Variants in KCNA6 observed in about 807,000 individuals in gnomAD.
The protein encoded by KCNA6 is potassium voltage-gated channel subfamily A member 6.
In KCNA6, 17 loss-of-function variants were observed where a neutral mutation model predicts 29.5. The ratio of observed to expected loss-of-function variants is 0.58; its 90% CI spans 0.39 to 0.86. The LOEUF (loss-of-function observed/expected upper bound fraction) is 0.86, where lower values mean the gene tolerates loss of function less well. Among genes scored for constraint, KCNA6 ranks in the 40% least tolerant of loss-of-function variants. The pLI is 0.00. For missense variants in KCNA6, 450 were observed against 703.4 expected (o/e 0.64, Z 4.07); for synonymous variants, 296 against 304.7 (o/e 0.97, Z 0.30).
At chr12:4,835,198 G>A in the KCNA6 span, among the ~76,000 whole-genome samples, 10 of 143,872 alleles carry the variant, frequency 7.0e-5, no homozygotes, top group East Asian at 4.1e-4. Flanking sequence ...GCAGTGGCGC[G>A]ATCTCTGCTC....
the KCNA6 span, among the ~76,000 whole-genome samples, chr12:4,841,294 T>C: frequency 8.5e-5 from 13 of 152,212 alleles, no homozygotes; most frequent in Non-Finnish European, 1.6e-4. Flanking sequence ...GTATGTATAA[T>C]AATTTGGCAA....
At chr12:4,841,591 C>T in the KCNA6 span, among the ~76,000 whole-genome samples, 4 of 152,120 alleles carry the variant, frequency 2.6e-5, no homozygotes, top group Non-Finnish European at 5.9e-5. Flanking sequence ...GGAAATATAC[C>T]ATCGATGATT....
At chr12:4,814,462 T>A (rs1030715230), downstream of KCNA6, 3 of 167,096 alleles carry the variant, frequency 1.8e-5, no homozygotes, top group Non-Finnish European at 1.5e-5. The surrounding 1 kb of genome is among the most constrained non-coding windows in gnomAD (Gnocchi z 4.6). Flanking sequence ...ATCTCAAAGA[T>A]CTTTCTTCTT....
downstream of KCNA6, chr12:4,814,399 G>C (rs921786954): frequency 6.0e-5 from 10 of 167,076 alleles, no homozygotes; most frequent in Non-Finnish European, 1.5e-4. This position sits in a 1 kb window ranked among gnomAD's most constrained non-coding sequence, Gnocchi z 4.6. Context: ...ACGAGAGGCG[G>C]AGAATTGCAA....
At chr12:4,845,662 G>A in the KCNA6 span, among the ~76,000 whole-genome samples, 1 of 152,020 alleles carries the variant, frequency 6.6e-6, no homozygotes, top group Non-Finnish European at 1.5e-5. Context: ...GTCCTTTTTT[G>A]TTTGTTTTTG....
rs1375331161 is a variant in KCNA6, at chr12:4,810,377, G to C, written c.336G>C (p.Val112=). 6.2e-7 allele frequency: 1 copy of C among 1,614,056 alleles called. No homozygotes were observed. The highest frequency in any genetic ancestry group is 8.5e-7 in the Non-Finnish European group (1 of 1,180,038). The change falls in exon 1 of 1, where the codon GTG becomes GTC. Residue 112 remains valine, a synonymous_variant. Transcript: ENST00000280684. The surrounding 1 kb of genome is among the most constrained non-coding windows in gnomAD (Gnocchi z 7.5). The stretch of plus-strand genomic sequence containing the variant: ...GCCGCCTGCGGAGGCCGGTCAACGT[G>C]CCCCTGGACATTTTCCTGGAGGAGA...
chr12:4,818,921 T>C, the KCNA6 span, among the ~76,000 whole-genome samples: 1 of 151,408 alleles, frequency 6.6e-6, no homozygotes, highest in Non-Finnish European at 1.5e-5. Context: ...TACATACACA[T>C]ACATACATAC....
exon 1 of KCNA6, chr12:4,809,866 C>G: frequency 2.9e-6 from 2 of 687,000 alleles, no homozygotes; most frequent in Admixed American, 3.2e-5. Flanking sequence ...CCCAGCCTTG[C>G]AGGGACCAGG....
the KCNA6 span, among the ~76,000 whole-genome samples, chr12:4,819,055 A>T: frequency 6.6e-6 from 1 of 152,114 alleles, no homozygotes; most frequent in South Asian, 2.1e-4. Context: ...TGCACACACA[A>T]ACATATACAC....
the KCNA6 span, among the ~76,000 whole-genome samples, chr12:4,827,716 G>A: frequency 6.6e-6 from 1 of 152,316 alleles, no homozygotes; most frequent in African/African-American, 2.4e-5. Flanking sequence ...AAAGTGTCTA[G>A]CTCTGCCCTC....
exon 1 of KCNA6, chr12:4,809,906 G>C (rs1946604716): frequency 9.3e-7 from 1 of 1,070,972 alleles, no homozygotes; most frequent in Admixed American, 2.9e-5. Context: ...CAACGGCCAG[G>C]TCAGACCGCG....
rs968823941 is a variant in KCNA6, at chr12:4,813,326, C to T, written c.*1695C>T. On this transcript the variant is annotated 3_prime_UTR_variant, in exon 1 of 1. Transcript: ENST00000280684. ...CATTAAATGGGAACATTACTGTCTTCCCCTCCCTACCTCATGGGGAATGTC... is the reference window on the plus strand; with the variant it reads ...CATTAAATGGGAACATTACTGTCTTTCCCTCCCTACCTCATGGGGAATGTC... The T allele has an allele frequency of 6.0e-6, 1 of 166,992 alleles. No individual in the cohort carries two copies. Among genetic ancestry groups the T allele is most frequent in the Admixed American group, 6.5e-5 (1 of 15,278 alleles). The allele number at this position is 166,992 out of a possible 1,614,324, so 10.3% of individuals were successfully genotyped here.
exon 1 of KCNA6, chr12:4,812,964 C>T (rs912789712): frequency 6.0e-6 from 1 of 167,096 alleles, no homozygotes; most frequent in Non-Finnish European, 1.5e-5. Context: ...TATCCACCTG[C>T]CCACCTCCCC....
At chr12:4,812,253 AG>A (rs1356410615) in exon 1 of KCNA6, 1 of 167,642 alleles carries the variant, frequency 6.0e-6, no homozygotes, top group East Asian at 1.9e-4. Flanking sequence ...TACCACTTGG[AG>A]GACACGGGGT....
chr12:4,851,102 G>A, the KCNA6 span: 1 of 232,530 alleles, frequency 4.3e-6, no homozygotes, highest in Non-Finnish European at 9.0e-6. Context: ...TAAACACAAG[G>A]CAAAGTCTCA....
At chr12:4,831,192 T>G in the KCNA6 span, among the ~76,000 whole-genome samples, 1 of 152,202 alleles carries the variant, frequency 6.6e-6, no homozygotes, top group Non-Finnish European at 1.5e-5. Context: ...GAGCTCTCCT[T>G]TCTCAAAACA....
At chr12:4,844,348 G>A in the KCNA6 span, among the ~76,000 whole-genome samples, 1 of 152,182 alleles carries the variant, frequency 6.6e-6, no homozygotes, top group African/African-American at 2.4e-5. The surrounding 1 kb of genome is among the most constrained non-coding windows in gnomAD (Gnocchi z 4.0). Context: ...ATGGAGAAAA[G>A]TGAACAACAG....
the KCNA6 span, among the ~76,000 whole-genome samples, chr12:4,836,105 A>AT: frequency 0.27 from 37,310 of 137,180 alleles, 5,379 homozygotes; most frequent in African/African-American, 0.35. Context: ...ATGCCTGGCT[A>AT]TTTTTTTTTT....
At chr12:4,820,441 A>T in the KCNA6 span, among the ~76,000 whole-genome samples, 1 of 151,888 alleles carries the variant, frequency 6.6e-6, no homozygotes, top group African/African-American at 2.4e-5. Flanking sequence ...AATTTGCCGA[A>T]GATCACACAG....
Sources: allele counts gnomAD v4.1 joint callset (sites outside exome capture counted in the v4.1 genomes callset), GRCh38; gene constraint gnomAD v4.1.1; non-coding constraint Gnocchi (gnomAD v3.1); transcripts MANE v1.5; gene names NCBI Gene and HGNC (gene_info 2026-07-23, HGNC 2026-07-21).